Variants in SETDB2 observed in about 807,000 individuals in gnomAD.
The protein encoded by SETDB2 is histone-lysine N-methyltransferase SETDB2.
In SETDB2, 56 loss-of-function variants were observed where a neutral mutation model predicts 82.5. That is an observed-to-expected ratio of 0.68 (90% CI 0.55 to 0.85). SETDB2 has a LOEUF of 0.85. Ranked by LOEUF, SETDB2 falls within the 40% of genes least tolerant of loss-of-function variation. The probability of loss-of-function intolerance (pLI) is 0.00; values close to 1 mark genes in which losing one functional copy is unlikely to be tolerated. For synonymous variants in SETDB2, 272 were observed against 284.9 expected (o/e 0.95, Z 0.46); for missense variants, 677 against 816.4 (o/e 0.83, Z 2.08).
At position 49,492,081 on chromosome 13, in the gene SETDB2, T is replaced by C; in HGVS notation, c.*232T>C. The stretch of plus-strand genomic sequence containing the variant: ...GCTGTGCTACTTTACATGAGTAGGA[T>C]GGAAGTGTATATTTTATATGAAATA... On this transcript the variant is annotated 3_prime_UTR_variant, in exon 14 of 14. Coordinates refer to ENST00000611815, the MANE Select transcript of SETDB2 (RefSeq NM_001160308.3). 2.2e-6 allele frequency: 1 copy of C among 445,084 alleles called. No homozygotes were observed. The highest frequency in any genetic ancestry group is 2.2e-5 in the South Asian group (1 of 45,528). The allele number at this position is 445,084 out of a possible 1,614,324, so 27.6% of individuals were successfully genotyped here. A position where few individuals can be genotyped will look rare whatever the true frequency, so the allele number is the denominator to read the frequency against.
Position 49,492,713 on chromosome 13 carries a change from C to T in SETDB2, c.*864C>T, listed in dbSNP as rs1958735985. The T allele has an allele frequency of 6.6e-6, 1 of 152,166 alleles. No individual in the cohort carries two copies. Among genetic ancestry groups the T allele is most frequent in the Non-Finnish European group, 1.5e-5 (1 of 68,038 alleles). 9.4% of individuals were successfully genotyped at this position (152,166 alleles called of 1,614,324 possible). On this transcript the variant is annotated 3_prime_UTR_variant, in exon 14 of 14. Coordinates refer to ENST00000611815, the MANE Select transcript of SETDB2 (RefSeq NM_001160308.3). ...GTGGCTCAGACCTGTAATCCCAGCA[C>T]TTTGAGAGGCCGAGGCAGGTGGATT...
intron 4 of SETDB2, among the ~76,000 whole-genome samples, chr13:49,466,274 G>T (rs1465946345): frequency 6.6e-6 from 1 of 151,956 alleles, no homozygotes; most frequent in Non-Finnish European, 1.5e-5. Context: ...CTCTACAAAA[G>T]AATTTTAAAA....
At chr13:49,460,476 A>G (rs1389621334) in intron 3 of SETDB2, among the ~76,000 whole-genome samples, 1 of 152,130 alleles carries the variant, frequency 6.6e-6, no homozygotes, top group African/African-American at 2.4e-5. Flanking sequence ...ATAGAAAAAT[A>G]TAACAAGGAA....
intron 2 of SETDB2, among the ~76,000 whole-genome samples, chr13:49,452,313 A>G (rs1488269794): frequency 6.6e-6 from 1 of 152,132 alleles, no homozygotes; most frequent in Admixed American, 6.5e-5. Flanking sequence ...GGGTTTCACC[A>G]TGTTGGTCAG....
chr13:49,464,748 A>G (rs1958067421), intron 4 of SETDB2, among the ~76,000 whole-genome samples: 1 of 152,110 alleles, frequency 6.6e-6, no homozygotes, highest in South Asian at 2.1e-4. Flanking sequence ...AAATGTAAGG[A>G]TTGAAAACCT....
chr13:49,467,200 T>A (rs1958132902), intron 4 of SETDB2, among the ~76,000 whole-genome samples: 4 of 151,908 alleles, frequency 2.6e-5, no homozygotes, highest in Admixed American at 2.6e-4. Context: ...GAGTTCGAGA[T>A]CAGCCTGGCC....
At chr13:49,467,601 G>GGTTAAGCTTCAAATCAAGT (rs1412327134) in intron 4 of SETDB2, among the ~76,000 whole-genome samples, 2 of 152,146 alleles carry the variant, frequency 1.3e-5, no homozygotes, top group Non-Finnish European at 2.9e-5. Context: ...CTTAAAGATT[G>GGTTAAGCTTCAAATCAAGT]GTTAAGCTTC....
chr13:49,457,556 C>T (rs1355298004), intron 2 of SETDB2, among the ~76,000 whole-genome samples: 1 of 151,788 alleles, frequency 6.6e-6, no homozygotes, highest in Non-Finnish European at 1.5e-5. Context: ...GCCTCAGCCT[C>T]CCGAGTAGCT....
Position 49,488,363 on chromosome 13 carries a change from TAA to T in SETDB2, c.1652_1653del (p.Lys551IlefsTer2). 3 of 1,611,686 alleles carry T rather than the reference TAA, an allele frequency of 1.9e-6. No homozygotes were observed. The highest frequency in any genetic ancestry group is 2.5e-6 in the Non-Finnish European group (3 of 1,179,466). On this transcript the variant is annotated frameshift_variant, in exon 12 of 14. Transcript: ENST00000611815. LOFTEE classifies it high-confidence loss of function. ...TTGAATCAGATGTGATAGATATAAC[TAA>T]ATATAGAGAAGAAACTCCACCAAGG... ...LIESDVIDIT[K>X]YREETPPRSR... is the part of the protein sequence containing the mutation.
At chr13:49,485,814 T>G in intron 11 of SETDB2, 91 bp downstream of exon 11, 1 of 1,064,846 alleles carries the variant, frequency 9.4e-7, no homozygotes, top group Non-Finnish European at 1.5e-6. Flanking sequence ...TTAGATTCCA[T>G]AATAAACATG....
intron 10 of SETDB2, 72 bp downstream of exon 10, chr13:49,483,635 T>TC (rs1339979153): frequency 4.0e-6 from 2 of 506,022 alleles, no homozygotes; most frequent in Non-Finnish European, 6.4e-6. Context: ...TTTTTTTTTT[T>TC]TTTTTTTTTT....
intron 1 of SETDB2, among the ~76,000 whole-genome samples, chr13:49,447,646 C>T (rs551941161): frequency 6.6e-6 from 1 of 152,194 alleles, no homozygotes; most frequent in South Asian, 2.1e-4. Flanking sequence ...TGATAGTTTT[C>T]CTCCCTTTGC....
At chr13:49,469,548 C>A (rs1331346261) in intron 5 of SETDB2, among the ~76,000 whole-genome samples, 2 of 152,164 alleles carry the variant, frequency 1.3e-5, no homozygotes, top group African/African-American at 4.8e-5. Flanking sequence ...TTGATGCCTT[C>A]TTCTAGAGAT....
chr13:49,460,555 T>C (rs1369183916), intron 3 of SETDB2, among the ~76,000 whole-genome samples: 1 of 152,214 alleles, frequency 6.6e-6, no homozygotes, highest in African/African-American at 2.4e-5. Flanking sequence ...TAACTTTATT[T>C]TGCCTGCTTT....
At chr13:49,480,404 C>A in intron 7 of SETDB2, 69 bp downstream of exon 7, 2 of 897,118 alleles carry the variant, frequency 2.2e-6, no homozygotes, top group Non-Finnish European at 3.4e-6. Context: ...TATTGTGGTC[C>A]AAAATCTTAT....
In SETDB2 at chr13:49,474,123, G is replaced by A. The variant is rs140005613; in HGVS notation, c.306-2353G>A. Among the ~76,000 whole-genome samples the A allele has an allele frequency of 2.4e-3, 359 of 152,302 alleles. 2 individuals are homozygous for A. Among genetic ancestry groups the A allele is most frequent in the African/African-American group, 8.3e-3 (345 of 41,550 alleles). ...CTAAAAATACAAAAATTAGCTGGATGTGGTGGCACATGCCTGTAATCCCAG... is the reference window on the plus strand; with the variant it reads ...CTAAAAATACAAAAATTAGCTGGATATGGTGGCACATGCCTGTAATCCCAG... On this transcript the variant is annotated intron_variant, in intron 5 of 13. Coordinates refer to ENST00000611815, the MANE Select transcript of SETDB2 (RefSeq NM_001160308.3).
chr13:49,478,556 A>C (rs150902566), intron 6 of SETDB2, among the ~76,000 whole-genome samples: 5 of 152,354 alleles, frequency 3.3e-5, no homozygotes, highest in African/African-American at 1.2e-4. Flanking sequence ...CCCGACAAGT[A>C]GAGAGAATTA....
chr13:49,451,919 A>G lies in SETDB2; in HGVS notation c.16+10A>G. 1 of 1,584,722 alleles carries G rather than the reference A, an allele frequency of 6.3e-7. No individual in the cohort carries two copies. Among genetic ancestry groups the G allele is most frequent in the Non-Finnish European group, 8.6e-7 (1 of 1,159,604 alleles). On this transcript the variant is annotated intron_variant, in intron 2 of 13. Transcript: ENST00000611815. ...ATGGGAGAAAAAAATGGTAGGTTGA[A>G]GAACACACTGTTACACTTTATATCT...
At chr13:49,474,265 CA>C (rs11386165) in intron 5 of SETDB2, among the ~76,000 whole-genome samples, 2 of 147,980 alleles carry the variant, frequency 1.4e-5, no homozygotes, top group Admixed American at 6.7e-5. Flanking sequence ...CACTCTCTCT[CA>C]AAAAAAAAAG....
Sources: allele counts gnomAD v4.1 joint callset (sites outside exome capture counted in the v4.1 genomes callset), GRCh38; gene constraint gnomAD v4.1.1; transcripts MANE v1.5; gene names NCBI Gene and HGNC (gene_info 2026-07-23, HGNC 2026-07-21).